The following IP6K3 variants were observed in gnomAD, a reference collection of about 807,000 sequenced individuals.
IP6K3 encodes inositol hexakisphosphate kinase 3.
In IP6K3, 20 loss-of-function variants were observed where a neutral mutation model predicts 28.8. The observed-to-expected ratio is 0.70, with a 90% confidence interval of 0.49 to 1.01. IP6K3 has a LOEUF of 1.01. Among genes scored for constraint, IP6K3 ranks in the 50% least tolerant of loss-of-function variants. The probability of loss-of-function intolerance (pLI) is 0.00; values close to 1 mark genes in which losing one functional copy is unlikely to be tolerated. For missense variants in IP6K3, 480 were observed against 537.1 expected, an observed-to-expected ratio of 0.89 and a Z score of 1.05; for synonymous variants, 213 against 221.3, an observed-to-expected ratio of 0.96 and a Z score of 0.33.
chr6:33,736,055 G>A (rs1404746041), intron 1 of IP6K3, among the ~76,000 whole-genome samples: 3 of 152,058 alleles, frequency 2.0e-5, no homozygotes, highest in Non-Finnish European at 1.5e-5. Flanking sequence ...TTGTAGAAAC[G>A]GGGTCTCACC....
At chr6:33,747,258 T>A (rs1263212107), upstream of IP6K3, among the ~76,000 whole-genome samples, 1 of 152,182 alleles carries the variant, frequency 6.6e-6, no homozygotes, top group Non-Finnish European at 1.5e-5. This position sits in a 1 kb window ranked among gnomAD's most constrained non-coding sequence, Gnocchi z 5.2. Context: ...CTGCTGGGCT[T>A]CTTGCCCCAT....
Position 33,723,084 on chromosome 6 carries a change from T to C in IP6K3, c.869A>G (p.Asn290Ser), listed in dbSNP as rs991841972. ...FRQALYQFLH[N>S]GSHLRRELLE... Reference sequence around the variant, plus strand: ...GAGCTCCCTCCGGAGGTGGCTTCCATTATGTAGGAACTGATAGAGGGCTTG... The same window carrying C: ...GAGCTCCCTCCGGAGGTGGCTTCCACTATGTAGGAACTGATAGAGGGCTTG... Residue 290 changes from asparagine (N) to serine (S), a missense_variant, in exon 6 of 6, where the codon AAT becomes AGT. By Grantham distance (46) the Asn-to-Ser change is conservative (BLOSUM62 1). Transcript: ENST00000293756. 6.2e-7 allele frequency: 1 copy of C among 1,614,036 alleles called. No individual in the cohort carries two copies. Among genetic ancestry groups the C allele is most frequent in the African/African-American group, 1.3e-5 (1 of 74,908 alleles).
the IP6K3 span, among the ~76,000 whole-genome samples, chr6:33,756,489 T>TGA: frequency 2.7e-5 from 4 of 149,938 alleles, no homozygotes; most frequent in African/African-American, 9.7e-5. Context: ...TGTGTGTGTG[T>TGA]GAGAGACAGA....
upstream of IP6K3, among the ~76,000 whole-genome samples, chr6:33,748,697 T>C (rs1181510762): frequency 6.9e-6 from 1 of 144,386 alleles, no homozygotes; most frequent in African/African-American, 2.6e-5. Context: ...CTGCAGCCTG[T>C]GTGGGGCTAC....
At chr6:33,733,305 G>A (rs972707301) in intron 2 of IP6K3, among the ~76,000 whole-genome samples, 1 of 152,258 alleles carries the variant, frequency 6.6e-6, no homozygotes, top group Non-Finnish European at 1.5e-5. Context: ...CTGGGATGGG[G>A]CTGACCTGAA....
chr6:33,733,471 C>A (rs1582212170), intron 2 of IP6K3, among the ~76,000 whole-genome samples: 2 of 152,240 alleles, frequency 1.3e-5, no homozygotes, highest in South Asian at 4.1e-4. Flanking sequence ...AGCCTCTCTG[C>A]CTCTCCCACT....
At chr6:33,752,687 A>G in the IP6K3 span, among the ~76,000 whole-genome samples, 3 of 152,190 alleles carry the variant, frequency 2.0e-5, no homozygotes, top group Admixed American at 1.3e-4. Flanking sequence ...CAGAATGGCC[A>G]GTTCCTTCTG....
chr6:33,736,174 A>T (rs1232657423), intron 1 of IP6K3, among the ~76,000 whole-genome samples: 1 of 152,066 alleles, frequency 6.6e-6, no homozygotes, highest in East Asian at 1.9e-4. Context: ...CAGAGACTTT[A>T]AATAATGTTT....
intron 1 of IP6K3, among the ~76,000 whole-genome samples, chr6:33,738,462 A>T (rs370667757): frequency 9.9e-5 from 15 of 152,254 alleles, no homozygotes; most frequent in African/African-American, 3.4e-4. Flanking sequence ...AAATAATGGC[A>T]ATAAATGGTT....
intron 2 of IP6K3, among the ~76,000 whole-genome samples, chr6:33,730,244 G>A (rs1012748493): frequency 3.9e-5 from 6 of 152,210 alleles, no homozygotes; most frequent in African/African-American, 1.4e-4. Context: ...CTCCTGGGCT[G>A]GTCAGCGTGG....
the IP6K3 span, among the ~76,000 whole-genome samples, chr6:33,759,824 G>A: frequency 1.3e-5 from 2 of 151,538 alleles, no homozygotes; most frequent in African/African-American, 2.4e-5. Context: ...AGTGAGCCAA[G>A]ATTGCGCCAC....
chr6:33,749,121 G>T (rs1451650932), upstream of IP6K3, among the ~76,000 whole-genome samples: 1 of 152,130 alleles, frequency 6.6e-6, no homozygotes, highest in African/African-American at 2.4e-5. Flanking sequence ...ATGAGCAGGA[G>T]GCCCTTCAGG....
intron 2 of IP6K3, among the ~76,000 whole-genome samples, chr6:33,734,203 CAAAAAA>C (rs144943744): frequency 1.3e-4 from 14 of 108,534 alleles, no homozygotes; most frequent in Non-Finnish European, 1.1e-4. Flanking sequence ...AACTCCGTCT[CAAAAAA>C]AAAAAAAAAA....
the IP6K3 span, among the ~76,000 whole-genome samples, chr6:33,756,625 T>C: frequency 6.6e-6 from 1 of 152,124 alleles, no homozygotes; most frequent in East Asian, 1.9e-4. Flanking sequence ...ATTTCGTGTA[T>C]CATGAAGCCA....
chr6:33,743,423 G>A (rs190106302), intron 1 of IP6K3, among the ~76,000 whole-genome samples: 102 of 152,216 alleles, frequency 6.7e-4, no homozygotes, highest in African/African-American at 2.2e-3. Context: ...TGTGATGCCC[G>A]AGGGAGCATT....
chr6:33,741,705 AC>A (rs1209899530), intron 1 of IP6K3, among the ~76,000 whole-genome samples: 1 of 93,780 alleles, frequency 1.1e-5, no homozygotes, highest in Non-Finnish European at 2.6e-5. Context: ...TAATCCCAGC[AC>A]TTTGGGAGGC....
chr6:33,735,843 C>T (rs1766504844), intron 1 of IP6K3, among the ~76,000 whole-genome samples, 188 bp from the exon 2 acceptor site: 1 of 152,154 alleles, frequency 6.6e-6, no homozygotes, highest in South Asian at 2.1e-4. Flanking sequence ...ACAGTGGTTG[C>T]CTCCATGGAG....
the IP6K3 span, among the ~76,000 whole-genome samples, chr6:33,758,638 T>C: frequency 5.0e-3 from 759 of 152,304 alleles, 6 homozygotes; most frequent in African/African-American, 0.016. Context: ...CTCACTCTGT[T>C]CTCCAGGCTG....
intron 5 of IP6K3, 141 bp from the exon 6 acceptor site, chr6:33,723,328 G>A: frequency 1.6e-6 from 1 of 608,052 alleles, no homozygotes; most frequent in Non-Finnish European, 2.8e-6. Context: ...GAAATGAGCA[G>A]AAGATGATCT....
Sources: allele counts gnomAD v4.1 joint callset (sites outside exome capture counted in the v4.1 genomes callset), GRCh38; gene constraint gnomAD v4.1.1; non-coding constraint Gnocchi (gnomAD v3.1); transcripts MANE v1.5; gene names NCBI Gene and HGNC (gene_info 2026-07-23, HGNC 2026-07-21).